GPR137C: variants seen among roughly 807,000 people sequenced by gnomAD.
The protein encoded by GPR137C is integral membrane protein GPR137C.
In GPR137C, 27 loss-of-function variants were observed where a neutral mutation model predicts 43.4. That is an observed-to-expected ratio of 0.62 (90% CI 0.46 to 0.86). GPR137C has a LOEUF of 0.86. GPR137C is among the 40% of genes least tolerant of loss of function. The probability of loss-of-function intolerance (pLI) is 0.00; values close to 1 mark genes in which losing one functional copy is unlikely to be tolerated. For synonymous variants in GPR137C, 285 were observed against 226.9 expected (o/e 1.26, Z -2.30); for missense variants, 522 against 534.6 (o/e 0.98, Z 0.23).
Position 52,600,099 on chromosome 14 carries a change from T to TG in GPR137C, c.489-14_489-13insG, listed in dbSNP as rs1386560553. On this transcript the variant is annotated splice_polypyrimidine_tract_variant and intron_variant, in intron 2 of 6. Coordinates refer to ENST00000321662, the MANE Select transcript of GPR137C (RefSeq NM_001099652.2). Reference sequence around the variant, plus strand: ...TTAGTTATATAACCATCTAATATACTTTTTTTCTTTCAGAATTCTACTGCA... The same window carrying TG: ...TTAGTTATATAACCATCTAATATACTGTTTTTTCTTTCAGAATTCTACTGCA... 8 of 1,567,252 alleles carry TG rather than the reference T, an allele frequency of 5.1e-6. No homozygotes were observed. The South Asian group carries it at 8.9e-5, about 17-fold the overall frequency.
chr14:52,559,314 G>A (rs556151313), intron 1 of GPR137C, among the ~76,000 whole-genome samples: 10 of 151,564 alleles, frequency 6.6e-5, no homozygotes, highest in Admixed American at 5.9e-4. Flanking sequence ...CCTGGGAGGT[G>A]GAAGTTGCAG....
chr14:52,580,371 T>C lies in GPR137C; in HGVS notation c.445-17901T>C, dbSNP rs77602086. On this transcript the variant is annotated intron_variant, in intron 1 of 6. Coordinates refer to ENST00000321662, the MANE Select transcript of GPR137C (RefSeq NM_001099652.2). The stretch of plus-strand genomic sequence containing the variant: ...GAGAAGAGACTAAAAGAAAAAAAAA[T>C]TTTTTTTTTGAGACAGAGTCTCACC... Among the ~76,000 whole-genome samples, 107 of 125,714 alleles carry C rather than the reference T, an allele frequency of 8.5e-4. 2 individuals are homozygous for C. The highest frequency in any genetic ancestry group is 6.1e-3 in the Admixed American group (74 of 12,168). The allele number at this position is 125,714 out of a possible 152,430, so 82.5% of individuals were successfully genotyped here.
At chr14:52,572,447 G>A (rs1246252753) in intron 1 of GPR137C, among the ~76,000 whole-genome samples, 2 of 152,146 alleles carry the variant, frequency 1.3e-5, no homozygotes, top group Non-Finnish European at 2.9e-5. Flanking sequence ...TTCAACATAT[G>A]CAAATCAATA....
At chr14:52,619,038 C>G (rs1442959051) in intron 3 of GPR137C, among the ~76,000 whole-genome samples, 1 of 152,174 alleles carries the variant, frequency 6.6e-6, no homozygotes, top group Admixed American at 6.5e-5. Context: ...CTCACTCCCT[C>G]CTGTATTTCT....
rs1270238557 is a variant in GPR137C, at chr14:52,633,666, A to T, written c.993+11A>T. On this transcript the variant is annotated intron_variant, in intron 5 of 6. Transcript: ENST00000321662. Reference sequence around the variant, plus strand: ...TTAAACCAGAATTTGGTATGATATAATATTCCCCAATGCCTGTTCTCCTAT... The same window carrying T: ...TTAAACCAGAATTTGGTATGATATATTATTCCCCAATGCCTGTTCTCCTAT... 1.9e-6 allele frequency: 3 copies of T among 1,611,548 alleles called. No individual in the cohort carries two copies. Among genetic ancestry groups the T allele is most frequent in the Non-Finnish European group, 2.5e-6 (3 of 1,178,474 alleles).
rs182669084 is a variant in GPR137C at position 52,567,568 on chromosome 14, A to G, written c.444+13977A>G. On this transcript the variant is annotated intron_variant, in intron 1 of 6. Transcript: ENST00000321662. ...GGATTGGAAGGCAGGTCTTCTGACT[A>G]CACTGCTTTTTCTGTCGTACTCTAG... Among the ~76,000 whole-genome samples, 6 of 152,246 alleles carry G rather than the reference A, an allele frequency of 3.9e-5. No individual in the cohort carries two copies. In the East Asian group the frequency reaches 9.7e-4, roughly 25 times the overall value.
intron 3 of GPR137C, among the ~76,000 whole-genome samples, chr14:52,624,580 C>T (rs191422317): frequency 3.3e-5 from 5 of 151,574 alleles, no homozygotes; most frequent in African/African-American, 1.2e-4. Flanking sequence ...AAAAATTAGC[C>T]GGGTGTGGTG....
In GPR137C at chr14:52,631,510, T is replaced by C. The variant is rs576618424; in HGVS notation, c.718-650T>C. Among the ~76,000 whole-genome samples the C allele has an allele frequency of 6.6e-4, 100 of 152,270 alleles. 1 individual carries two copies. Among genetic ancestry groups the C allele is most frequent in the African/African-American group, 2.0e-3 (82 of 41,558 alleles). ...ATACAGACCCCAGGTTAAGAATCTC[T>C]GCAAGAGGTGACTACCACACCCTTC... On this transcript the variant is annotated intron_variant, in intron 3 of 6. Transcript: ENST00000321662.
chr14:52,635,109 A>G lies in GPR137C; in HGVS notation c.1284A>G (p.Gln428=). 6.4e-7 allele frequency: 1 copy of G among 1,561,682 alleles called. No homozygotes were observed. Among genetic ancestry groups the G allele is most frequent in the Non-Finnish European group, 8.6e-7 (1 of 1,158,266 alleles). ...ATCATAGCTTATATGTGACACCACA[A>G]AACTGACAGCATCACCAAGTCATGA... ...NNHHSLYVTP[Q]N The change falls in exon 7 of 7, where the codon CAA becomes CAG. Residue 428 remains glutamine, a synonymous_variant. Transcript: ENST00000321662.
intron 1 of GPR137C, among the ~76,000 whole-genome samples, chr14:52,585,992 G>A (rs533460115): frequency 1.7e-4 from 26 of 152,300 alleles, no homozygotes; most frequent in Non-Finnish European, 1.2e-4. Context: ...GATGTTACCT[G>A]CGCATGCAGT....
intron 4 of GPR137C, among the ~76,000 whole-genome samples, chr14:52,632,812 G>C (rs964974967): frequency 1.3e-5 from 2 of 151,970 alleles, no homozygotes; most frequent in Non-Finnish European, 2.9e-5. Flanking sequence ...GGGTGTCCAG[G>C]TATTTGCTAT....
In GPR137C at chr14:52,589,690, A is replaced by G. The variant is rs1181385601; in HGVS notation, c.445-8582A>G. Among the ~76,000 whole-genome samples the G allele has an allele frequency of 2.0e-5, 3 of 152,200 alleles. No individual in the cohort carries two copies. In the East Asian group the frequency reaches 5.8e-4, roughly 29 times the overall value. ...AAAATACAGTCAGGCACCGCATAAC[A>G]ACGTTTCAGTCAATAACTCACCCCA... On this transcript the variant is annotated intron_variant, in intron 1 of 6. Coordinates refer to ENST00000321662, the MANE Select transcript of GPR137C (RefSeq NM_001099652.2).
intron 1 of GPR137C, among the ~76,000 whole-genome samples, chr14:52,591,868 CT>C (rs1313183293): frequency 6.6e-6 from 1 of 152,122 alleles, no homozygotes; most frequent in Non-Finnish European, 1.5e-5. Flanking sequence ...GTTGCCATTG[CT>C]TTTGGTGTTT....
chr14:52,571,055 C>G (rs2038460017), intron 1 of GPR137C, among the ~76,000 whole-genome samples: 1 of 152,220 alleles, frequency 6.6e-6, no homozygotes, highest in Admixed American at 6.5e-5. Context: ...AGCACCGCAT[C>G]ACACTTATTC....
intron 1 of GPR137C, among the ~76,000 whole-genome samples, chr14:52,559,617 G>A (rs1412604922): frequency 1.3e-5 from 2 of 152,098 alleles, no homozygotes; most frequent in African/African-American, 4.8e-5. Flanking sequence ...AATATTGGCA[G>A]CATATTACCT....
chr14:52,615,760 C>G (rs757278991), intron 3 of GPR137C, among the ~76,000 whole-genome samples: 5 of 152,056 alleles, frequency 3.3e-5, no homozygotes, highest in Non-Finnish European at 5.9e-5. Flanking sequence ...TTCTTTTTCA[C>G]ATTGTTGACT....
chr14:52,617,485 C>T (rs2039112226), intron 3 of GPR137C, among the ~76,000 whole-genome samples: 1 of 152,022 alleles, frequency 6.6e-6, no homozygotes, highest in Non-Finnish European at 1.5e-5. Context: ...TCAAGACCAG[C>T]CTAGCCAACA....
rs554887257 is a variant in GPR137C at position 52,565,279 on chromosome 14, T to C, written c.444+11688T>C. Among the ~76,000 whole-genome samples, 30 of 152,314 alleles carry C rather than the reference T, an allele frequency of 2.0e-4. No homozygotes were observed. The South Asian group carries it at 6.0e-3, about 30-fold the overall frequency. ...AAACCGAAACCATGGGCTATTTTCT[T>C]CTCCTCCTCTTCCTCCTCCTTCTCA... is the stretch of plus-strand genomic sequence containing the variant. On this transcript the variant is annotated intron_variant, in intron 1 of 6. Coordinates refer to ENST00000321662, the MANE Select transcript of GPR137C (RefSeq NM_001099652.2).
intron 1 of GPR137C, among the ~76,000 whole-genome samples, chr14:52,582,330 A>G (rs554074609): frequency 2.6e-5 from 4 of 152,344 alleles, no homozygotes; most frequent in Non-Finnish European, 4.4e-5. Context: ...TAGTATTTCA[A>G]CATGAATTTG....
Sources: gnomAD v4.1 joint callset for allele counts (sites outside exome capture counted in the v4.1 genomes callset) on GRCh38, gnomAD v4.1.1 for gene constraint, MANE v1.5 for transcripts, NCBI Gene and HGNC (gene_info 2026-07-23, HGNC 2026-07-21) for gene names.